The following TUBGCP2 variants were observed in gnomAD, a reference collection of about 807,000 sequenced individuals.
TUBGCP2 encodes the protein gamma-tubulin complex component 2.
TUBGCP2 carries 55 observed loss-of-function variants against 92.2 expected under a neutral mutation model. That is an observed-to-expected ratio of 0.60 (90% CI 0.48 to 0.75). TUBGCP2 has a LOEUF of 0.75. TUBGCP2 is among the 30% of genes least tolerant of loss of function. TUBGCP2 has a pLI of 0.00. For synonymous variants in TUBGCP2, 533 were observed against 505.2 expected, an observed-to-expected ratio of 1.06 and a Z score of -0.74; for missense variants, 1,093 against 1,188.9, an observed-to-expected ratio of 0.92 and a Z score of 1.19.
chr10:133,309,748 G>C (rs1476847551), upstream of TUBGCP2: 1 of 1,611,356 alleles, frequency 6.2e-7, no homozygotes, highest in East Asian at 2.2e-5. Context: ...ACCGGAGGAA[G>C]GGCTCCTGAA....
At chr10:133,312,153 C>G (rs1589844682), upstream of TUBGCP2, 2 of 1,398,852 alleles carry the variant, frequency 1.4e-6, no homozygotes, top group South Asian at 1.6e-5. Flanking sequence ...AGGCGTCTGC[C>G]TTAATAGCAT....
upstream of TUBGCP2, chr10:133,308,983 G>T (rs989826410): frequency 8.0e-7 from 1 of 1,245,274 alleles, no homozygotes; most frequent in African/African-American, 1.6e-5. Context: ...CCTCGCTGCG[G>T]GGCCCGGGGC....
At chr10:133,303,681 A>G (rs1847735877) in intron 1 of TUBGCP2, among the ~76,000 whole-genome samples, 1 of 152,076 alleles carries the variant, frequency 6.6e-6, no homozygotes, top group African/African-American at 2.4e-5. Flanking sequence ...AGCTCCATTC[A>G]CTTGGCCGGC....
intron 2 of TUBGCP2, chr10:133,300,367 G>A (rs986497909): frequency 8.4e-6 from 3 of 355,032 alleles, no homozygotes. Flanking sequence ...CTTGAGTCCA[G>A]GAGTTCAAGA....
chr10:133,305,909 T>C (rs1345565941), intron 1 of TUBGCP2, among the ~76,000 whole-genome samples: 3 of 152,246 alleles, frequency 2.0e-5, no homozygotes, highest in Admixed American at 6.5e-5. Context: ...ACGTGGCTAC[T>C]TCTAGGCTGT....
At chr10:133,309,011 T>C (rs1847913033), upstream of TUBGCP2, 5 of 1,258,022 alleles carry the variant, frequency 4.0e-6, no homozygotes, top group Admixed American at 1.3e-4. Context: ...CCGCTGCCTG[T>C]AGAGCGGGAT....
chr10:133,280,425 G>T (rs1047758064), intron 17 of TUBGCP2, among the ~76,000 whole-genome samples: 3 of 152,198 alleles, frequency 2.0e-5, no homozygotes, highest in Admixed American at 2.0e-4. Context: ...GCACAAATAG[G>T]CACCTTCCCA....
intron 3 of TUBGCP2, 64 bp from the exon 4 acceptor site, chr10:133,299,667 T>C (rs544299242): frequency 2.1e-6 from 3 of 1,408,270 alleles, no homozygotes; most frequent in Non-Finnish European, 2.9e-6. Flanking sequence ...AGGGGGAGAG[T>C]AGGGACGACA....
At chr10:133,293,901 T>C (rs1234265765) in intron 5 of TUBGCP2, 132 bp from the exon 6 acceptor site, 2 of 969,050 alleles carry the variant, frequency 2.1e-6, no homozygotes, top group Non-Finnish European at 3.1e-6. Context: ...GCCACTGCAC[T>C]TGGCTTTGAC....
intron 5 of TUBGCP2, 46 bp from the exon 6 acceptor site, chr10:133,293,815 G>A: frequency 6.6e-7 from 1 of 1,520,908 alleles, no homozygotes; most frequent in Non-Finnish European, 8.9e-7. Context: ...CCACTCCCAT[G>A]CCCCCACAGC....
intron 17 of TUBGCP2, among the ~76,000 whole-genome samples, chr10:133,280,597 T>C (rs1199976985): frequency 6.6e-6 from 1 of 152,192 alleles, no homozygotes; most frequent in Non-Finnish European, 1.5e-5. Context: ...GGCAGCCCAG[T>C]TGCACAGAAT....
Position 133,285,064 on chromosome 10 carries a change from G to T in TUBGCP2, c.2024+21C>A. 1.3e-6 allele frequency: 2 copies of T among 1,586,568 alleles called. No individual in the cohort carries two copies. The highest frequency in any genetic ancestry group is 1.7e-6 in the Non-Finnish European group (2 of 1,162,366). ...CGAGCGCTGCTTCAGGAGGGCATGC[G>T]GGGGCAGAGGAAGAACGCACCACTG... On this transcript the variant is annotated intron_variant, in intron 13 of 17. Coordinates refer to ENST00000252936, the MANE Select transcript of TUBGCP2 (RefSeq NM_006659.4). This position sits in a 1 kb window ranked among gnomAD's most constrained non-coding sequence, Gnocchi z 6.8.
At chr10:133,291,239 C>T (rs999860119) in intron 8 of TUBGCP2, among the ~76,000 whole-genome samples, 1 of 113,132 alleles carries the variant, frequency 8.8e-6, no homozygotes, top group Non-Finnish European at 1.7e-5. Flanking sequence ...AGCACGCGCC[C>T]TCCGTGTCCC....
chr10:133,296,818 G>A lies in TUBGCP2; in HGVS notation c.616+1134C>T, dbSNP rs575017330. Reference sequence around the variant, plus strand: ...ATACTTTTCATTAACTTACAGCATGGTTTTCTATACTTCTCATAACTTACA... The same window carrying A: ...ATACTTTTCATTAACTTACAGCATGATTTTCTATACTTCTCATAACTTACA... On this transcript the variant is annotated intron_variant, in intron 5 of 17. Transcript: ENST00000252936. Among the ~76,000 whole-genome samples the A allele has an allele frequency of 7.4e-4, 112 of 152,242 alleles. 4 individuals carry two copies. In the South Asian group the frequency reaches 0.021, roughly 29 times the overall value.
chr10:133,308,949 G>A (rs1205316551), upstream of TUBGCP2: 5 of 1,232,822 alleles, frequency 4.1e-6, no homozygotes, highest in Non-Finnish European at 4.1e-6. Flanking sequence ...GGGTGATGCA[G>A]TTGCCCCCCG....
chr10:133,311,702 C>G (rs191801908), upstream of TUBGCP2: 3 of 1,608,986 alleles, frequency 1.9e-6, no homozygotes, highest in South Asian at 3.3e-5. Flanking sequence ...TTACTCACTG[C>G]TCTCTCCCCG....
intron 2 of TUBGCP2, chr10:133,302,385 GCGCT>G: frequency 4.1e-6 from 1 of 245,360 alleles, no homozygotes; most frequent in Non-Finnish European, 8.1e-6. Context: ...ACCAGAGGTG[GCGCT>G]CACCCTGCAC....
chr10:133,310,676 G>GGTCATCCGCA, upstream of TUBGCP2: 1 of 250,000 alleles, frequency 4.0e-6, no homozygotes, highest in East Asian at 1.1e-4. Flanking sequence ...CGTCGGCCGT[G>GGTCATCCGCA]CTCACACATC....
chr10:133,310,871 G>A (rs1439769533), upstream of TUBGCP2, among the ~76,000 whole-genome samples: 1 of 151,942 alleles, frequency 6.6e-6, no homozygotes, highest in Non-Finnish European at 1.5e-5. Flanking sequence ...GTGTGATGTA[G>A]GTTCACTGCA....
Sources: gnomAD v4.1 joint callset for allele counts (sites outside exome capture counted in the v4.1 genomes callset) on GRCh38, gnomAD v4.1.1 for gene constraint, Gnocchi (gnomAD v3.1) non-coding constraint, MANE v1.5 for transcripts, NCBI Gene and HGNC (gene_info 2026-07-23, HGNC 2026-07-21) for gene names.